The following PCDH9 variants were observed in gnomAD, a reference collection of about 807,000 sequenced individuals.
PCDH9 encodes the protein protocadherin-9.
A neutral mutation model predicts 70.6 loss-of-function variants in PCDH9; 24 were observed. The observed-to-expected ratio is 0.34, with a 90% CI of 0.25 to 0.48. The LOEUF is 0.48. Ranked by LOEUF, PCDH9 falls within the 20% of genes least tolerant of loss-of-function variation. PCDH9 has a pLI of 0.99. For missense variants in PCDH9, 1,281 were observed against 1,503.6 expected (o/e 0.85, Z 2.45); for synonymous variants, 562 against 558.5 (o/e 1.01, Z -0.09).
intron 2 of PCDH9, among the ~76,000 whole-genome samples, chr13:67,101,514 G>T (rs1458291106): frequency 6.6e-6 from 1 of 152,154 alleles, no homozygotes; most frequent in Non-Finnish European, 1.5e-5. Context: ...ATACATGTGG[G>T]TTTGTTATAT....
chr13:67,167,837 C>A (rs2088164946), intron 2 of PCDH9, among the ~76,000 whole-genome samples: 1 of 152,092 alleles, frequency 6.6e-6, no homozygotes, highest in Non-Finnish European at 1.5e-5. Flanking sequence ...ATACTCATAA[C>A]CCAATATGTT....
intron 3 of PCDH9, among the ~76,000 whole-genome samples, chr13:66,674,120 A>G (rs559047070): frequency 2.0e-5 from 3 of 152,210 alleles, no homozygotes; most frequent in Admixed American, 6.5e-5. Context: ...CAAATATCAG[A>G]TAACAGATTT....
chr13:66,956,753 A>C (rs912899139), intron 2 of PCDH9, among the ~76,000 whole-genome samples: 2 of 152,146 alleles, frequency 1.3e-5, no homozygotes, highest in African/African-American at 4.8e-5. Flanking sequence ...CCATCTCAAA[A>C]ACAAACAAAC....
intron 2 of PCDH9, among the ~76,000 whole-genome samples, chr13:67,177,892 A>AT (rs551558045): frequency 6.6e-6 from 1 of 151,918 alleles, no homozygotes; most frequent in Non-Finnish European, 1.5e-5. Flanking sequence ...TGACTACACA[A>AT]TTTTTTTCAA....
chr13:66,881,904 C>A (rs1157030373), intron 3 of PCDH9, among the ~76,000 whole-genome samples: 1 of 152,114 alleles, frequency 6.6e-6, no homozygotes, highest in African/African-American at 2.4e-5. Context: ...TCTAAGATAA[C>A]CTTAAGCAAC....
At chr13:66,874,848 T>C (rs2081768884) in intron 3 of PCDH9, among the ~76,000 whole-genome samples, 1 of 151,686 alleles carries the variant, frequency 6.6e-6, no homozygotes, top group Admixed American at 6.6e-5. Context: ...AGTCTATTAA[T>C]TTTTTTTCTC....
rs1254443118 is a variant in PCDH9 at position 67,154,603 on chromosome 13, TATACACAC to T, written c.3036+70794_3036+70801del. On this transcript the variant is annotated intron_variant, in intron 2 of 4. Coordinates refer to ENST00000377865, the MANE Select transcript of PCDH9 (RefSeq NM_203487.3). The stretch of plus-strand genomic sequence containing the variant: ...AAAAAAAAAAAAAAAAAAATATATA[TATACACAC>T]ACACACACACACACACACACACACA... 5.3e-3 allele frequency among the ~76,000 whole-genome samples: 451 copies of T among 84,800 alleles called. 31 individuals carry two copies. Among genetic ancestry groups the T allele is most frequent in the African/African-American group, 0.02 (414 of 20,372 alleles). 55.6% of individuals were successfully genotyped at this position (84,800 alleles called of 152,430 possible). A position where few individuals can be genotyped will look rare whatever the true frequency, so the allele number is the denominator to read the frequency against.
At chr13:67,000,388 G>A (rs1019851791) in intron 2 of PCDH9, among the ~76,000 whole-genome samples, 15 of 150,312 alleles carry the variant, frequency 1.0e-4, no homozygotes, top group African/African-American at 1.2e-4. Context: ...GCTAAATGAC[G>A]AGTTAATGGG....
rs151017796 is a variant in PCDH9, at chr13:66,548,804, T to C, written c.3340+82406A>G. On this transcript the variant is annotated intron_variant, in intron 4 of 4. Coordinates refer to ENST00000377865, the MANE Select transcript of PCDH9 (RefSeq NM_203487.3). ...ATGAATAATGCTTATGTTTACTTTT[T>C]AAATTTAAGAAACACTCTCCCAGAG... Among the ~76,000 whole-genome samples the C allele has an allele frequency of 4.4e-3, 667 of 152,242 alleles. 27 individuals are homozygous for C. The East Asian group carries it at 0.085, about 19-fold the overall frequency.
intron 4 of PCDH9, among the ~76,000 whole-genome samples, chr13:66,320,377 G>A (rs1363511169): frequency 6.6e-6 from 1 of 151,804 alleles, no homozygotes; most frequent in African/African-American, 2.4e-5. Context: ...AAATATTATC[G>A]ATACTGCTTA....
At chr13:66,417,051 A>T (rs1957473950) in intron 4 of PCDH9, among the ~76,000 whole-genome samples, 1 of 152,144 alleles carries the variant, frequency 6.6e-6, no homozygotes, top group Non-Finnish European at 1.5e-5. Flanking sequence ...TTATACTTTA[A>T]GTTCTGGGAT....
Position 66,550,555 on chromosome 13 carries a change from T to C in PCDH9, c.3340+80655A>G, listed in dbSNP as rs79365636. ...TTCCCTCCACCATCTTTCTGCCAGG[T>C]TGATGGAGCTAACATCTTGAACCTT... On this transcript the variant is annotated intron_variant, in intron 4 of 4. Coordinates refer to ENST00000377865, the MANE Select transcript of PCDH9 (RefSeq NM_203487.3). Among the ~76,000 whole-genome samples the C allele has an allele frequency of 1.2e-4, 18 of 152,154 alleles. No homozygotes were observed. The East Asian group carries it at 2.9e-3, about 24-fold the overall frequency.
At chr13:66,914,806 C>T (rs1181792034) in intron 2 of PCDH9, 1 of 151,676 alleles carries the variant, frequency 6.6e-6, no homozygotes, top group Non-Finnish European at 1.5e-5. Context: ...TTCTCTACAT[C>T]TCACAGATAT....
chr13:67,156,246 G>C (rs2087809491), intron 2 of PCDH9, among the ~76,000 whole-genome samples: 2 of 152,106 alleles, frequency 1.3e-5, no homozygotes. Context: ...CTCTAGCAAG[G>C]CAAAGACCGA....
At chr13:66,810,697 T>C (rs112506646) in intron 3 of PCDH9, among the ~76,000 whole-genome samples, 2 of 152,064 alleles carry the variant, frequency 1.3e-5, no homozygotes, top group African/African-American at 4.8e-5. Context: ...GCAAAATTTC[T>C]ATCCAAAAAA....
chr13:67,091,468 G>A (rs2086216776), intron 2 of PCDH9, among the ~76,000 whole-genome samples: 1 of 152,040 alleles, frequency 6.6e-6, no homozygotes, highest in South Asian at 2.1e-4. Flanking sequence ...GTCATTTGAA[G>A]GACTTGCTGC....
chr13:66,633,149 G>C (rs1222302187), intron 3 of PCDH9, among the ~76,000 whole-genome samples: 1 of 152,116 alleles, frequency 6.6e-6, no homozygotes, highest in Non-Finnish European at 1.5e-5. Flanking sequence ...TGATCTGTGT[G>C]AAATGAGTTG....
chr13:66,327,829 A>G (rs1007760807), intron 4 of PCDH9, among the ~76,000 whole-genome samples: 5 of 152,186 alleles, frequency 3.3e-5, no homozygotes, highest in African/African-American at 1.2e-4. Context: ...TGAAGGATGT[A>G]TAACCAATGC....
chr13:66,772,573 C>T (rs887538377), intron 3 of PCDH9, among the ~76,000 whole-genome samples: 7 of 151,864 alleles, frequency 4.6e-5, no homozygotes, highest in Non-Finnish European at 1.0e-4. Flanking sequence ...TTTTTATTTT[C>T]TATATTTTAT....
Sources: allele counts gnomAD v4.1 joint callset (sites outside exome capture counted in the v4.1 genomes callset), GRCh38; gene constraint gnomAD v4.1.1; transcripts MANE v1.5; gene names NCBI Gene and HGNC (gene_info 2026-07-23, HGNC 2026-07-21).